GSE1: variants seen among roughly 807,000 people sequenced by gnomAD.
GSE1 encodes Gse1 coiled-coil protein.
A neutral mutation model predicts 112.6 loss-of-function variants in GSE1; 32 were observed. The ratio of observed to expected loss-of-function variants is 0.28; its 90% CI spans 0.21 to 0.38. GSE1 has a LOEUF of 0.38. Ranked by LOEUF, GSE1 falls within the 10% of genes least tolerant of loss-of-function variation. The probability of loss-of-function intolerance (pLI) is 1.00; values close to 1 mark genes in which losing one functional copy is unlikely to be tolerated. For synonymous variants in GSE1, 1,115 were observed against 735.6 expected, an observed-to-expected ratio of 1.52 and a Z score of -8.35; for missense variants, 2,348 against 1,699.2, an observed-to-expected ratio of 1.38 and a Z score of -6.71.
intron 1 of GSE1, among the ~76,000 whole-genome samples, chr16:85,567,629 T>G (rs760310968): frequency 6.6e-6 from 1 of 152,236 alleles, no homozygotes; most frequent in Non-Finnish European, 1.5e-5. Context: ...TTTTAGGGCC[T>G]AGCCTCGGAG....
At chr16:85,663,232 G>A (rs569781364) in intron 10 of GSE1, 112 bp from the exon 11 acceptor site, 2 of 1,361,380 alleles carry the variant, frequency 1.5e-6, no homozygotes, top group African/African-American at 1.4e-5. Context: ...TCTCCCACCA[G>A]GCGCAGCCAG....
chr16:85,275,737 C>T (rs969109461), intron 1 of GSE1, among the ~76,000 whole-genome samples: 9 of 152,290 alleles, frequency 5.9e-5, no homozygotes, highest in Middle Eastern at 3.4e-3. Flanking sequence ...GGGCCCTGGA[C>T]CCAGGTGGAA....
At chr16:85,388,573 T>C (rs926110190) in intron 2 of GSE1, among the ~76,000 whole-genome samples, 2 of 149,298 alleles carry the variant, frequency 1.3e-5, no homozygotes, top group Admixed American at 6.6e-5. Flanking sequence ...GGTAGATGGG[T>C]GAGTGGATGG....
At chr16:85,236,105 C>T (rs1362792588) in intron 1 of GSE1, among the ~76,000 whole-genome samples, 1 of 152,104 alleles carries the variant, frequency 6.6e-6, no homozygotes. Context: ...GCCTGTGTGG[C>T]TCCCGGGCAG....
chr16:85,426,562 TGGG>T (rs1020273285), intron 2 of GSE1, among the ~76,000 whole-genome samples: 6 of 144,426 alleles, frequency 4.2e-5, no homozygotes, highest in African/African-American at 1.6e-4. Context: ...GGTGGATGGA[TGGG>T]GGGTGAATGA....
chr16:85,213,138 G>A (rs998905749), intron 1 of GSE1, among the ~76,000 whole-genome samples: 4 of 151,962 alleles, frequency 2.6e-5, no homozygotes, highest in African/African-American at 7.3e-5. Context: ...CCGTGGTGGC[G>A]CATGCCTGTA....
Position 85,481,531 on chromosome 16 carries a change from G to C in GSE1, c.2464+123888G>C, listed in dbSNP as rs373418543. On this transcript the variant is annotated intron_variant, in intron 2 of 2. Coordinates refer to the GSE1 transcript ENST00000637419. ...TGTGGATGGCTCCTCTTCCTTCCAG[G>C]TGGGGAGTTGATTGAGATGCTTTTG... 4.1e-4 allele frequency among the ~76,000 whole-genome samples: 62 copies of C among 152,310 alleles called. 1 individual carries two copies. The East Asian group carries it at 9.3e-3, about 23-fold the overall frequency.
At position 85,633,959 on chromosome 16, in the gene GSE1, C is replaced by G. The variant is rs1182834594; in HGVS notation, c.53C>G (p.Thr18Ser). 2 of 1,613,018 alleles carry G rather than the reference C, an allele frequency of 1.2e-6. No individual in the cohort carries two copies. The highest frequency in any genetic ancestry group is 1.7e-5 in the Admixed American group (1 of 59,948). ...TCCCCTTCGCTAGGGATGCTTTCCACCGCGACCAGGACCACCGCCACCGTC... is the reference window on the plus strand; with the variant it reads ...TCCCCTTCGCTAGGGATGCTTTCCAGCGCGACCAGGACCACCGCCACCGTC... ...PKSPSLGMLS[T>S]ATRTTATVNP... Residue 18 changes from threonine (T) to serine (S), a missense_variant, in exon 2 of 16, where the codon ACC (threonine) becomes AGC (serine). Physicochemically the swap from Thr to Ser is moderately conservative, Grantham distance 58. Transcript: ENST00000253458.
At chr16:85,206,148 G>T (rs538589883) in intron 1 of GSE1, among the ~76,000 whole-genome samples, 2 of 152,078 alleles carry the variant, frequency 1.3e-5, no homozygotes, top group East Asian at 3.9e-4. Flanking sequence ...AACGATAAGG[G>T]GGAGTGAACC....
At chr16:85,318,477 C>T (rs1447718931) in intron 1 of GSE1, among the ~76,000 whole-genome samples, 27 of 152,178 alleles carry the variant, frequency 1.8e-4, no homozygotes, top group Admixed American at 1.8e-3. Context: ...GTTGCCCAGG[C>T]TGGTCTCAAA....
chr16:85,190,840 CA>C (rs542517330), intron 1 of GSE1, among the ~76,000 whole-genome samples: 18 of 152,346 alleles, frequency 1.2e-4, no homozygotes, highest in African/African-American at 2.4e-4. Context: ...GCGGACTCAC[CA>C]GGGTGGGGCT....
chr16:85,634,917 G>T (rs2049858860), intron 2 of GSE1, among the ~76,000 whole-genome samples: 1 of 152,116 alleles, frequency 6.6e-6, no homozygotes, highest in Admixed American at 6.5e-5. Flanking sequence ...TGTGGATTCT[G>T]GCCTCGGACA....
At chr16:85,219,632 C>T (rs938604687) in intron 1 of GSE1, among the ~76,000 whole-genome samples, 41 of 152,338 alleles carry the variant, frequency 2.7e-4, no homozygotes, top group African/African-American at 9.6e-4. Context: ...CTCCGAATGT[C>T]GCCTGTGGCA....
intron 1 of GSE1, among the ~76,000 whole-genome samples, chr16:85,279,441 T>C (rs1308497193): frequency 6.6e-6 from 1 of 152,148 alleles, no homozygotes. Context: ...ACCCTGTCTC[T>C]ACAAAAAGTA....
chr16:85,655,468 T>C (rs1002338486), intron 5 of GSE1, among the ~76,000 whole-genome samples: 1 of 152,204 alleles, frequency 6.6e-6, no homozygotes, highest in Non-Finnish European at 1.5e-5. Flanking sequence ...GCCTGGGCGC[T>C]TGACCACTCT....
chr16:85,552,766 C>T (rs2044990238), upstream of GSE1, among the ~76,000 whole-genome samples: 1 of 152,238 alleles, frequency 6.6e-6, no homozygotes, highest in South Asian at 2.1e-4. Flanking sequence ...GCATAGTCTT[C>T]CCCACTGCAG....
chr16:85,453,147 G>C (rs1202544475), intron 2 of GSE1, among the ~76,000 whole-genome samples: 2 of 152,218 alleles, frequency 1.3e-5, no homozygotes, highest in Non-Finnish European at 2.9e-5. Flanking sequence ...CTGCCAGGCA[G>C]TCCTTTCCAG....
intron 2 of GSE1, among the ~76,000 whole-genome samples, chr16:85,532,309 G>A (rs1286642357): frequency 1.3e-5 from 2 of 152,156 alleles, no homozygotes; most frequent in Non-Finnish European, 2.9e-5. Context: ...TGCCCAGGTT[G>A]CAGTGTTGTG....
chr16:85,412,977 G>T (rs78590702), intron 2 of GSE1, among the ~76,000 whole-genome samples: 1 of 152,166 alleles, frequency 6.6e-6, no homozygotes, highest in Admixed American at 6.5e-5. Context: ...GTGCCTGTTC[G>T]GGTGCAGGTT....
Sources: allele counts gnomAD v4.1 joint callset (sites outside exome capture counted in the v4.1 genomes callset), GRCh38; gene constraint gnomAD v4.1.1; transcripts MANE v1.5; gene names NCBI Gene and HGNC (gene_info 2026-07-23, HGNC 2026-07-21).